The following INPP4B variants were observed in gnomAD, a reference collection of about 807,000 sequenced individuals.
INPP4B encodes inositol polyphosphate 4-phosphatase type II.
INPP4B carries 55 observed loss-of-function variants against 122.5 expected under a neutral mutation model. That is an observed-to-expected ratio of 0.45 (90% CI 0.36 to 0.56). INPP4B has a LOEUF of 0.56. INPP4B is among the 20% of genes least tolerant of loss of function. The probability of loss-of-function intolerance (pLI) is 0.00; values close to 1 mark genes in which losing one functional copy is unlikely to be tolerated. For missense variants in INPP4B, 1,000 were observed against 1,097.7 expected (o/e 0.91, Z 1.26); for synonymous variants, 403 against 388.7 (o/e 1.04, Z -0.43).
At chr4:142,432,506 T>C (rs2149381489) in intron 3 of INPP4B, among the ~76,000 whole-genome samples, 2 of 152,248 alleles carry the variant, frequency 1.3e-5, no homozygotes, top group Middle Eastern at 3.4e-3. Flanking sequence ...TAGAAGGCTA[T>C]TGCACCATCA....
At chr4:142,065,262 CACAT>C (rs1762929232) in intron 25 of INPP4B, among the ~76,000 whole-genome samples, 1 of 147,838 alleles carries the variant, frequency 6.8e-6, no homozygotes, top group African/African-American at 2.5e-5. Flanking sequence ...CACACACACA[CACAT>C]ACATAGTGAA....
In INPP4B at chr4:142,268,322, CAAAAAAA is replaced by C. The variant is rs56908599; in HGVS notation, c.615+2334_615+2340del. On this transcript the variant is annotated intron_variant, in intron 10 of 25. Transcript: ENST00000262992. ...TGGGTGACAGAGCAAGACTCCGTCT[CAAAAAAA>C]AAAAAAAAAAAAAAAAATGAGGGGT... Among the ~76,000 whole-genome samples the C allele has an allele frequency of 4.6e-3, 32 of 6,900 alleles. 2 individuals are homozygous for C. Among genetic ancestry groups the C allele is most frequent in the East Asian group, 0.025 (4 of 162 alleles). 4.5% of individuals were successfully genotyped at this position (6,900 alleles called of 152,430 possible).
chr4:142,444,373 T>C (rs1812459727), intron 3 of INPP4B, among the ~76,000 whole-genome samples: 1 of 152,170 alleles, frequency 6.6e-6, no homozygotes, highest in East Asian at 1.9e-4. Flanking sequence ...CTTCTCAAAA[T>C]AAGACATTTA....
At position 142,405,169 on chromosome 4, in the gene INPP4B, G is replaced by A. The variant is rs769234611; in HGVS notation, c.255+37C>T. ...AGCGAGCGAGCCAGCAAGAGAGAGA[G>A]AGAGAGAGAGATTAATGTAGGCACA... is the stretch of plus-strand genomic sequence containing the variant. On this transcript the variant is annotated intron_variant, in intron 6 of 25. Coordinates refer to ENST00000262992, the MANE Select transcript of INPP4B (RefSeq NM_001101669.3). The A allele has an allele frequency of 4.1e-6, 5 of 1,229,362 alleles. No homozygotes were observed. The Admixed American group carries it at 5.1e-5, about 12-fold the overall frequency. The allele number at this position is 1,229,362 out of a possible 1,614,324, so 76.2% of individuals were successfully genotyped here.
intron 2 of INPP4B, among the ~76,000 whole-genome samples, chr4:142,643,171 G>C (rs2150492912): frequency 6.6e-6 from 1 of 152,266 alleles, no homozygotes; most frequent in South Asian, 2.1e-4. Flanking sequence ...ATTTTGGGCT[G>C]AGATGATGGG....
intron 2 of INPP4B, among the ~76,000 whole-genome samples, chr4:142,558,786 C>T (rs1211593376): frequency 9.9e-6 from 1 of 100,560 alleles, no homozygotes; most frequent in Non-Finnish European, 1.8e-5. Flanking sequence ...CAGAGCAAGA[C>T]TCCCTCTAAA....
rs115728094 is a variant in INPP4B at position 142,611,310 on chromosome 4, G to A, written c.-191+114529C>T. On this transcript the variant is annotated intron_variant, in intron 2 of 25. Coordinates refer to ENST00000262992, the MANE Select transcript of INPP4B (RefSeq NM_001101669.3). ...ATCCAATCACCTCCAGCCAGGTTCCGCCTCCAACACTGGGTGTTACAATTC... is the reference window on the plus strand; with the variant it reads ...ATCCAATCACCTCCAGCCAGGTTCCACCTCCAACACTGGGTGTTACAATTC... 1.9e-3 allele frequency among the ~76,000 whole-genome samples: 294 copies of A among 152,182 alleles called. 3 individuals are homozygous for A. The highest frequency in any genetic ancestry group is 6.8e-3 in the Middle Eastern group (2 of 292).
intron 2 of INPP4B, among the ~76,000 whole-genome samples, chr4:142,693,122 G>A (rs902134000): frequency 6.6e-6 from 1 of 151,972 alleles, no homozygotes; most frequent in Non-Finnish European, 1.5e-5. Context: ...AGTTATCTCA[G>A]ATCTAAAATT....
chr4:142,690,048 T>G (rs1240850856), intron 2 of INPP4B, among the ~76,000 whole-genome samples: 1 of 152,192 alleles, frequency 6.6e-6, no homozygotes, highest in Non-Finnish European at 1.5e-5. Context: ...TGAGTTTTAT[T>G]AAGCAACTGA....
At chr4:142,300,313 G>A (rs528751808) in intron 9 of INPP4B, among the ~76,000 whole-genome samples, 17 of 152,184 alleles carry the variant, frequency 1.1e-4, no homozygotes, top group African/African-American at 3.1e-4. Flanking sequence ...TCTCCTTATC[G>A]CTGCTTCTGG....
intron 2 of INPP4B, among the ~76,000 whole-genome samples, chr4:142,586,896 G>C (rs10021085): frequency 0.014 from 2,142 of 152,184 alleles, 40 homozygotes; most frequent in African/African-American, 0.041. Flanking sequence ...ATGTACAAAA[G>C]CCTGAAAGTC....
chr4:142,507,732 G>A (rs1824202130), intron 2 of INPP4B, among the ~76,000 whole-genome samples: 1 of 152,102 alleles, frequency 6.6e-6, no homozygotes, highest in South Asian at 2.1e-4. Flanking sequence ...ACAAGATAAA[G>A]ATACAGAAAC....
intron 2 of INPP4B, among the ~76,000 whole-genome samples, chr4:142,529,095 T>C (rs1177036124): frequency 6.6e-6 from 1 of 152,064 alleles, no homozygotes; most frequent in East Asian, 1.9e-4. Context: ...ATTTCTCCTA[T>C]CCATGAAACC....
chr4:142,647,529 C>G (rs1387603174), intron 2 of INPP4B, among the ~76,000 whole-genome samples: 3 of 152,164 alleles, frequency 2.0e-5, no homozygotes, highest in African/African-American at 7.2e-5. Flanking sequence ...GTGCCTAACG[C>G]CTGCCCAATT....
chr4:142,723,961 C>A (rs1765021883), intron 2 of INPP4B, among the ~76,000 whole-genome samples: 2 of 152,088 alleles, frequency 1.3e-5, no homozygotes, highest in Non-Finnish European at 2.9e-5. Context: ...CCATCCCTAG[C>A]TATTCCTCAA....
At chr4:142,791,778 T>G (rs1776592170) in intron 1 of INPP4B, among the ~76,000 whole-genome samples, 1 of 152,066 alleles carries the variant, frequency 6.6e-6, no homozygotes, top group Admixed American at 6.6e-5. Flanking sequence ...CTGTAAAGTG[T>G]GCACCCTGAC....
chr4:142,234,884 G>A (rs895956322), intron 12 of INPP4B, among the ~76,000 whole-genome samples: 13 of 151,996 alleles, frequency 8.6e-5, no homozygotes, highest in Non-Finnish European at 1.6e-4. Flanking sequence ...TGAAGCATAC[G>A]GAAATAACAA....
intron 2 of INPP4B, among the ~76,000 whole-genome samples, chr4:142,515,159 T>C (rs1825261524): frequency 6.6e-6 from 1 of 152,174 alleles, no homozygotes; most frequent in Admixed American, 6.6e-5. Context: ...CAAGGTTTAA[T>C]TTAGTTATGC....
intron 9 of INPP4B, among the ~76,000 whole-genome samples, chr4:142,288,281 A>G (rs1007974224): frequency 4.6e-5 from 7 of 152,350 alleles, no homozygotes; most frequent in Admixed American, 3.9e-4. Context: ...AGAAATTTTT[A>G]TCTTAAAATG....
Sources: gnomAD v4.1 joint callset for allele counts (sites outside exome capture counted in the v4.1 genomes callset) on GRCh38, gnomAD v4.1.1 for gene constraint, MANE v1.5 for transcripts, NCBI Gene and HGNC (gene_info 2026-07-23, HGNC 2026-07-21) for gene names.